SIDT1: variants seen among roughly 807,000 people sequenced by gnomAD.
The protein encoded by SIDT1 is SID1 transmembrane family member 1, also known as SID1 transmembrane family, member 1.
A neutral mutation model predicts 107.5 loss-of-function variants in SIDT1; 101 were observed. That is an observed-to-expected ratio of 0.94 (90% CI 0.80 to 1.11). The LOEUF (loss-of-function observed/expected upper bound fraction) is 1.11. SIDT1 is among the 50% of genes least tolerant of loss of function. The pLI, the probability that SIDT1 is intolerant of heterozygous loss-of-function variation, is 0.00. For synonymous variants in SIDT1, 395 were observed against 398.2 expected (o/e 0.99, Z 0.10); for missense variants, 1,076 against 1,058.2 (o/e 1.02, Z -0.23).
rs766103687 is a variant in SIDT1, at chr3:113,532,973, C to G, written c.-49C>G. ...TTTGGAAGGACCCTCTCTGCGCTCG[C>G]CCCCTCCCCAGGGTGGCTCCGCTTT... On this transcript the variant is annotated 5_prime_UTR_variant, in exon 1 of 25. Coordinates refer to ENST00000264852, the MANE Select transcript of SIDT1 (RefSeq NM_017699.3). 8.9e-5 allele frequency: 110 copies of G among 1,240,922 alleles called. No individual in the cohort carries two copies. In the Middle Eastern group the frequency reaches 2.0e-3, roughly 23 times the overall value. 76.9% of individuals were successfully genotyped at this position (1,240,922 alleles called of 1,614,324 possible).
At chr3:113,560,239 A>G (rs1560034938) in intron 1 of SIDT1, among the ~76,000 whole-genome samples, 1 of 152,168 alleles carries the variant, frequency 6.6e-6, no homozygotes, top group Non-Finnish European at 1.5e-5. Flanking sequence ...GAAGAGCCCA[A>G]CTTGTAGGAA....
chr3:113,558,150 C>A (rs998743911), intron 1 of SIDT1, among the ~76,000 whole-genome samples: 1 of 152,158 alleles, frequency 6.6e-6, no homozygotes, highest in Non-Finnish European at 1.5e-5. Flanking sequence ...TTCTGCCACA[C>A]CTGTGAGTAA....
At chr3:113,536,418 G>A (rs989929203) in intron 1 of SIDT1, among the ~76,000 whole-genome samples, 2 of 152,156 alleles carry the variant, frequency 1.3e-5, no homozygotes, top group African/African-American at 4.8e-5. Context: ...CCCCTCTTCA[G>A]TGCAACAAAG....
At chr3:113,606,044 C>T (rs1237286452) in intron 14 of SIDT1, among the ~76,000 whole-genome samples, 1 of 149,070 alleles carries the variant, frequency 6.7e-6, no homozygotes, top group African/African-American at 2.5e-5. Context: ...AAAAAAGCTT[C>T]ATGAAACTAA....
chr3:113,571,172 AG>A (rs1239332005), intron 3 of SIDT1, among the ~76,000 whole-genome samples: 20 of 152,344 alleles, frequency 1.3e-4, no homozygotes, highest in Admixed American at 2.6e-4. Context: ...CTGTAATTCC[AG>A]CTACTCAGGA....
At chr3:113,599,075 G>A (rs113251455) in intron 10 of SIDT1, among the ~76,000 whole-genome samples, 16 of 152,228 alleles carry the variant, frequency 1.1e-4, no homozygotes, top group Non-Finnish European at 2.2e-4. Context: ...GCTACAGTGC[G>A]CCATGATTGT....
intron 1 of SIDT1, among the ~76,000 whole-genome samples, chr3:113,541,559 T>C (rs892325025): frequency 1.3e-5 from 2 of 152,182 alleles, no homozygotes; most frequent in African/African-American, 2.4e-5. Flanking sequence ...GAATATTGGG[T>C]TGGTGCAAAA....
At chr3:113,575,993 T>C (rs1484945064) in intron 3 of SIDT1, among the ~76,000 whole-genome samples, 2 of 152,192 alleles carry the variant, frequency 1.3e-5, no homozygotes, top group Admixed American at 1.3e-4. Flanking sequence ...CTTGTGTGCA[T>C]GATCTTCATG....
Position 113,582,453 on chromosome 3 carries a change from C to T in SIDT1, c.748-956C>T, listed in dbSNP as rs560496994. Among the ~76,000 whole-genome samples, 32 of 152,290 alleles carry T rather than the reference C, an allele frequency of 2.1e-4. No individual in the cohort carries two copies. In the South Asian group the frequency reaches 4.8e-3, roughly 23 times the overall value. ...GCTTCAGATTTGATATCCCAAATAT[C>T]TGCTCTTGTTTTTCAGTATTTCTTT... is the stretch of plus-strand genomic sequence containing the variant. On this transcript the variant is annotated intron_variant, in intron 6 of 24. Transcript: ENST00000264852.
At chr3:113,552,490 A>G (rs568330669) in intron 1 of SIDT1, among the ~76,000 whole-genome samples, 42 of 152,320 alleles carry the variant, frequency 2.8e-4, no homozygotes, top group African/African-American at 9.9e-4. Context: ...TGGCAAATAT[A>G]AGCAGGAAAA....
chr3:113,616,466 A>T (rs1277010140), intron 20 of SIDT1, among the ~76,000 whole-genome samples: 2 of 152,180 alleles, frequency 1.3e-5, no homozygotes, highest in African/African-American at 4.8e-5. Flanking sequence ...CATGGTGGGG[A>T]ATAACACACA....
chr3:113,544,356 A>G (rs996182267), intron 1 of SIDT1, among the ~76,000 whole-genome samples: 2 of 152,022 alleles, frequency 1.3e-5, no homozygotes, highest in Admixed American at 1.3e-4. Flanking sequence ...ACGCCCAGCT[A>G]ATTTTTTGTA....
chr3:113,623,360 G>T (rs1240925285), intron 21 of SIDT1, 67 bp from the exon 22 acceptor site: 4 of 988,488 alleles, frequency 4.0e-6, no homozygotes, highest in Non-Finnish European at 4.9e-6. Context: ...GGGACTGGGG[G>T]ATTGGAAAAG....
intron 9 of SIDT1, among the ~76,000 whole-genome samples, chr3:113,591,417 T>C (rs1360001560): frequency 6.6e-6 from 1 of 152,074 alleles, no homozygotes; most frequent in African/African-American, 2.4e-5. Flanking sequence ...CTGGCTTTTT[T>C]ACAGAAATGG....
downstream of SIDT1, among the ~76,000 whole-genome samples, chr3:113,631,643 C>T (rs533185082): frequency 2.6e-5 from 4 of 152,204 alleles, no homozygotes; most frequent in South Asian, 6.2e-4. Context: ...CCCATGAATT[C>T]GAGGAATCTG....
At position 113,565,038 on chromosome 3, in the gene SIDT1, C is replaced by T. The variant is rs1348036048; in HGVS notation, c.223-1382C>T. Among the ~76,000 whole-genome samples the T allele has an allele frequency of 3.3e-5, 5 of 152,232 alleles. No homozygotes were observed. The South Asian group carries it at 6.2e-4, about 19-fold the overall frequency. Reference sequence around the variant, plus strand: ...CCTCCTAATTTCCATTTTGAATGTGCGATAGATCATTAGGGCTTAATTGCA... The same window carrying T: ...CCTCCTAATTTCCATTTTGAATGTGTGATAGATCATTAGGGCTTAATTGCA... On this transcript the variant is annotated intron_variant, in intron 1 of 24. Coordinates refer to ENST00000264852, the MANE Select transcript of SIDT1 (RefSeq NM_017699.3).
Position 113,604,937 on chromosome 3 carries a change from C to T in SIDT1, c.1365C>T (p.Tyr455=), listed in dbSNP as rs756125353. ...ACATCATCACCATTGCTGTGTTTTA[C>T]GCGCTGCCCGTGATCCAGCTGGTCA... is the stretch of plus-strand genomic sequence containing the variant. The part of the protein sequence containing the change: ...FWNIITIAVF[Y]ALPVIQLVIT... The change falls in exon 14 of 25, where the codon TAC becomes TAT. Residue 455 remains tyrosine, a synonymous_variant. Coordinates refer to ENST00000264852, the MANE Select transcript of SIDT1 (RefSeq NM_017699.3). 5.6e-6 allele frequency: 9 copies of T among 1,614,022 alleles called. No homozygotes were observed. The highest frequency in any genetic ancestry group is 4.4e-5 in the South Asian group (4 of 91,082).
At chr3:113,544,934 G>A (rs1489478414) in intron 1 of SIDT1, among the ~76,000 whole-genome samples, 1 of 151,848 alleles carries the variant, frequency 6.6e-6, no homozygotes, top group Admixed American at 6.6e-5. Flanking sequence ...GACCAACATG[G>A]CAAAACCCCG....
At chr3:113,620,317 G>A (rs1946383402) in intron 21 of SIDT1, among the ~76,000 whole-genome samples, 1 of 151,452 alleles carries the variant, frequency 6.6e-6, no homozygotes, top group Admixed American at 6.6e-5. Flanking sequence ...TTCCTCAAAT[G>A]GCTCAAAATA....
Sources: gnomAD v4.1 joint callset for allele counts (sites outside exome capture counted in the v4.1 genomes callset) on GRCh38, gnomAD v4.1.1 for gene constraint, MANE v1.5 for transcripts, NCBI Gene and HGNC (gene_info 2026-07-23, HGNC 2026-07-21) for gene names.